ZBTB20: variants seen among roughly 807,000 people sequenced by gnomAD.
ZBTB20 encodes the protein zinc finger and BTB domain containing 20.
In ZBTB20, 9 loss-of-function variants were observed where a neutral mutation model predicts 56.9. The observed-to-expected ratio is 0.16, with a 90% CI of 0.10 to 0.28. The LOEUF (loss-of-function observed/expected upper bound fraction) is 0.28, where lower values mean the gene tolerates loss of function less well. ZBTB20 is among the 10% of genes least tolerant of loss of function. The pLI is 1.00. For missense variants in ZBTB20, 655 were observed against 1,003.0 expected, an observed-to-expected ratio of 0.65 and a Z score of 4.69; for synonymous variants, 417 against 420.7, an observed-to-expected ratio of 0.99 and a Z score of 0.11.
At chr3:114,982,154 A>C (rs568093436) in intron 2 of ZBTB20, among the ~76,000 whole-genome samples, 1 of 152,182 alleles carries the variant, frequency 6.6e-6, no homozygotes, top group South Asian at 2.1e-4. Flanking sequence ...CATGGGATAA[A>C]TATGTGAATG....
chr3:114,672,771 A>C (rs1036654888), intron 6 of ZBTB20, among the ~76,000 whole-genome samples: 2 of 152,194 alleles, frequency 1.3e-5, no homozygotes, highest in African/African-American at 4.8e-5. Flanking sequence ...GCCTCTGCCA[A>C]ATACTGTGAC....
chr3:114,794,444 G>GC (rs987248084), intron 5 of ZBTB20, among the ~76,000 whole-genome samples: 1 of 152,088 alleles, frequency 6.6e-6, no homozygotes, highest in Non-Finnish European at 1.5e-5. Context: ...TACAGTACCA[G>GC]CCCCTGCCAT....
At chr3:114,951,662 C>G (rs2077070825) in intron 3 of ZBTB20, among the ~76,000 whole-genome samples, 1 of 151,992 alleles carries the variant, frequency 6.6e-6, no homozygotes, top group Non-Finnish European at 1.5e-5. Flanking sequence ...CCTTTTAAAA[C>G]AAAAATGTCA....
intron 5 of ZBTB20, among the ~76,000 whole-genome samples, chr3:114,725,506 G>C (rs145309641): frequency 6.6e-6 from 1 of 152,100 alleles, no homozygotes; most frequent in African/African-American, 2.4e-5. Flanking sequence ...CGCATTAATC[G>C]AAATTGATAA....
chr3:114,630,520 C>T (rs956234386), intron 6 of ZBTB20, among the ~76,000 whole-genome samples: 1 of 152,148 alleles, frequency 6.6e-6, no homozygotes, highest in African/African-American at 2.4e-5. Flanking sequence ...CTACCTGCCA[C>T]GTACTGGAGA....
At chr3:114,839,449 AAG>A (rs1284716856) in intron 4 of ZBTB20, among the ~76,000 whole-genome samples, 1 of 151,362 alleles carries the variant, frequency 6.6e-6, no homozygotes, top group Non-Finnish European at 1.5e-5. Flanking sequence ...GAAAGAAAGA[AAG>A]AAAGAAAGAA....
Position 114,755,550 on chromosome 3 carries a change from T to G in ZBTB20, c.-343+45551A>C, listed in dbSNP as rs183046395. On this transcript the variant is annotated intron_variant, in intron 5 of 11. Coordinates refer to ENST00000675478, the MANE Select transcript of ZBTB20 (RefSeq NM_001348800.3). ...GAATGCCTTCTAATCTTTGATTTGC[T>G]GCTAAAATATATATGTATTTATTTA... 8.1e-4 allele frequency among the ~76,000 whole-genome samples: 124 copies of G among 152,342 alleles called. 1 individual carries two copies. Among genetic ancestry groups the G allele is most frequent in the Middle Eastern group, 6.8e-3 (2 of 294 alleles).
intron 6 of ZBTB20, among the ~76,000 whole-genome samples, chr3:114,555,558 G>A (rs1466330906): frequency 6.6e-6 from 1 of 152,056 alleles, no homozygotes; most frequent in Non-Finnish European, 1.5e-5. Context: ...CTGTCCACAT[G>A]AGTAGACATT....
intron 1 of ZBTB20, among the ~76,000 whole-genome samples, chr3:115,116,724 G>C (rs1227430208): frequency 1.3e-5 from 2 of 151,998 alleles, no homozygotes; most frequent in African/African-American, 4.8e-5. Flanking sequence ...GAAAGAGAGA[G>C]ACAGAGACAG....
chr3:115,046,690 G>A (rs1398767912), intron 2 of ZBTB20, among the ~76,000 whole-genome samples: 1 of 152,092 alleles, frequency 6.6e-6, no homozygotes, highest in Non-Finnish European at 1.5e-5. Context: ...CAAAATGTAG[G>A]TTATGAAATA....
chr3:114,628,935 T>G (rs2058786438), intron 6 of ZBTB20, among the ~76,000 whole-genome samples: 1 of 152,140 alleles, frequency 6.6e-6, no homozygotes, highest in African/African-American at 2.4e-5. Context: ...AAAAAAAAAG[T>G]AATAGGTTAG....
At chr3:114,512,929 A>C (rs1040777254) in intron 6 of ZBTB20, among the ~76,000 whole-genome samples, 4 of 152,150 alleles carry the variant, frequency 2.6e-5, no homozygotes, top group African/African-American at 9.7e-5. Context: ...AATCTAGCTC[A>C]AGTAATCTCA....
chr3:115,076,205 AT>A (rs1576719223), intron 1 of ZBTB20, among the ~76,000 whole-genome samples: 1 of 152,284 alleles, frequency 6.6e-6, no homozygotes, highest in African/African-American at 2.4e-5. Flanking sequence ...TCAATTCTAC[AT>A]TTCTGTAATT....
chr3:115,058,968 C>A (rs1022977159), intron 2 of ZBTB20, among the ~76,000 whole-genome samples: 8 of 152,104 alleles, frequency 5.3e-5, no homozygotes, highest in Non-Finnish European at 8.8e-5. Flanking sequence ...TCCTGTTATA[C>A]CATACCAATG....
At chr3:114,403,488 C>T (rs1265547380) in intron 7 of ZBTB20, among the ~76,000 whole-genome samples, 1 of 152,020 alleles carries the variant, frequency 6.6e-6, no homozygotes, top group South Asian at 2.1e-4. Context: ...TCTGCTCTCA[C>T]CTATTTATAT....
In ZBTB20 at chr3:114,323,116, T is replaced by C. The variant is rs1372911057; in HGVS notation, c.*15889A>G. ...TATCCTGTGATGAAAGATTCTTTTA[T>C]TAACAGTTACTAAAGAGCTGTCAAA... On this transcript the variant is annotated 3_prime_UTR_variant, in exon 12 of 12. Transcript: ENST00000675478. The C allele has an allele frequency of 6.6e-6, 1 of 152,222 alleles. No individual in the cohort carries two copies. The highest frequency in any genetic ancestry group is 1.5e-5 in the Non-Finnish European group (1 of 68,030). 9.4% of individuals were successfully genotyped at this position (152,222 alleles called of 1,614,324 possible). A position where few individuals can be genotyped will look rare whatever the true frequency, so the allele number is the denominator to read the frequency against.
chr3:114,389,895 A>AG (rs1466617151), intron 7 of ZBTB20, among the ~76,000 whole-genome samples: 1 of 151,604 alleles, frequency 6.6e-6, no homozygotes, highest in African/African-American at 2.4e-5. Flanking sequence ...CTCAAAAAAA[A>AG]AAAAAAAAAA....
At chr3:114,451,550 A>G (rs907548292) in intron 7 of ZBTB20, among the ~76,000 whole-genome samples, 1 of 152,214 alleles carries the variant, frequency 6.6e-6, no homozygotes, top group African/African-American at 2.4e-5. Flanking sequence ...TCAGATCAAC[A>G]GAACAAAAAC....
chr3:115,070,572 T>A (rs946055605), intron 2 of ZBTB20, among the ~76,000 whole-genome samples: 1 of 152,080 alleles, frequency 6.6e-6, no homozygotes, highest in Non-Finnish European at 1.5e-5. Context: ...GTATATTAGC[T>A]TTCTGGAAGA....
Sources: gnomAD v4.1 joint callset for allele counts (sites outside exome capture counted in the v4.1 genomes callset) on GRCh38, gnomAD v4.1.1 for gene constraint, MANE v1.5 for transcripts, NCBI Gene and HGNC (gene_info 2026-07-23, HGNC 2026-07-21) for gene names.